RFX7: variants seen among roughly 807,000 people sequenced by gnomAD.
RFX7 encodes the protein DNA-binding protein RFX7.
In RFX7, 26 loss-of-function variants were observed where a neutral mutation model predicts 111.8. The observed-to-expected ratio is 0.23, with a 90% CI of 0.17 to 0.32. RFX7 has a LOEUF of 0.32. Among genes scored for constraint, RFX7 ranks in the 10% least tolerant of loss-of-function variants. The pLI is 1.00. For synonymous variants in RFX7, 624 were observed against 624.4 expected, an observed-to-expected ratio of 1.00 and a Z score of 0.01; for missense variants, 1,573 against 1,772.9, an observed-to-expected ratio of 0.89 and a Z score of 2.02.
intron 2 of RFX7, among the ~76,000 whole-genome samples, chr15:56,238,786 T>C (rs2141244162): frequency 6.6e-6 from 1 of 152,308 alleles, no homozygotes; most frequent in South Asian, 2.1e-4. Flanking sequence ...ATCTCTTATC[T>C]GAAATGCGTG....
chr15:56,110,298 G>T (rs1310059453), intron 5 of RFX7, among the ~76,000 whole-genome samples: 1 of 56,674 alleles, frequency 1.8e-5, no homozygotes, highest in African/African-American at 6.1e-5. Context: ...CTGGCCAGCC[G>T]CCCCGTCCGG....
intron 5 of RFX7, among the ~76,000 whole-genome samples, chr15:56,139,005 C>T (rs1339974259): frequency 6.6e-6 from 1 of 151,850 alleles, no homozygotes; most frequent in African/African-American, 2.4e-5. Flanking sequence ...TGATGGGCTT[C>T]CCATTGAGGG....
intron 3 of RFX7, among the ~76,000 whole-genome samples, chr15:56,151,733 C>T (rs1190838616): frequency 6.6e-6 from 1 of 152,134 alleles, no homozygotes; most frequent in Non-Finnish European, 1.5e-5. Flanking sequence ...TGTAAATAAG[C>T]TAAATGCCCC....
At chr15:56,099,396 T>G (rs2041724147) in intron 8 of RFX7, among the ~76,000 whole-genome samples, 2 of 152,184 alleles carry the variant, frequency 1.3e-5, no homozygotes, top group South Asian at 2.1e-4. Flanking sequence ...CCAGCCCCTT[T>G]TAAAAATCAC....
rs1293850747 is a variant in RFX7 at position 56,098,353 on chromosome 15, A to C, written c.835T>G (p.Ser279Ala). 6.2e-7 allele frequency: 1 copy of C among 1,602,830 alleles called. No individual in the cohort carries two copies. Among genetic ancestry groups the C allele is most frequent in the Admixed American group, 1.7e-5 (1 of 57,712 alleles). The change falls in exon 9 of 10, where the codon TCT (serine) becomes GCT (alanine). Residue 279 changes from serine (S) to alanine (A), a missense_variant. Physicochemically the swap from Ser to Ala is moderately conservative, Grantham distance 99. Transcript: ENST00000559447. ...CTTTCAGCTGTAGGTATAAAAGCAG[A>C]AGGCTGGGTAATTCCTTTCATTCCT... is the stretch of plus-strand genomic sequence containing the variant. The part of the protein sequence containing the change: ...PAGMKGITQP[S>A]AFIPTAESNS...
chr15:56,173,199 T>C (rs766965626), intron 3 of RFX7, among the ~76,000 whole-genome samples: 3 of 152,046 alleles, frequency 2.0e-5, no homozygotes, highest in Non-Finnish European at 4.4e-5. Context: ...ATTTGGAATC[T>C]ATAGCTGAAA....
chr15:56,237,950 A>T (rs116936153), intron 2 of RFX7, among the ~76,000 whole-genome samples: 111 of 152,318 alleles, frequency 7.3e-4, no homozygotes, highest in Non-Finnish European at 1.3e-3. Flanking sequence ...AACTCAGGGT[A>T]GGTAGGAGGT....
rs762621229 is a variant in RFX7 at position 56,094,350 on chromosome 15, A to G, written c.3378T>C (p.Pro1126=). The change falls in exon 10 of 10, where the codon CCT becomes CCC. Residue 1126 remains proline, a synonymous_variant. Coordinates refer to ENST00000559447, the MANE Select transcript of RFX7 (RefSeq NM_022841.7). ...TTACAGTGGCACCTTGATGCTGCACAGGAGAGACAGGAGTCAAACGACCAA... is the reference window on the plus strand; with the variant it reads ...TTACAGTGGCACCTTGATGCTGCACGGGAGAGACAGGAGTCAAACGACCAA... The part of the protein sequence containing the change: ...THFGRLTPVS[P]VQHQGATVNN... The G allele has an allele frequency of 6.2e-7, 1 of 1,614,014 alleles. No individual in the cohort carries two copies. The highest frequency in any genetic ancestry group is 8.5e-7 in the Non-Finnish European group (1 of 1,179,878).
chr15:56,206,504 A>G (rs2043253704), intron 2 of RFX7, among the ~76,000 whole-genome samples: 1 of 152,156 alleles, frequency 6.6e-6, no homozygotes, highest in Non-Finnish European at 1.5e-5. Flanking sequence ...ACTGCTAGCT[A>G]TATAGCCCAA....
At chr15:56,241,162 C>T (rs568010390) in intron 2 of RFX7, among the ~76,000 whole-genome samples, 2 of 152,174 alleles carry the variant, frequency 1.3e-5, no homozygotes, top group East Asian at 1.9e-4. Flanking sequence ...TTGGGATTCA[C>T]GTGTTTGCTG....
intron 5 of RFX7, 61 bp from the exon 6 acceptor site, chr15:56,103,731 T>C: frequency 1.0e-6 from 1 of 970,596 alleles, no homozygotes; most frequent in Admixed American, 2.4e-5. Context: ...CGCAGGGTGC[T>C]ATTTCAATAC....
At chr15:56,149,644 G>A (rs796696003) in intron 3 of RFX7, among the ~76,000 whole-genome samples, 4 of 152,290 alleles carry the variant, frequency 2.6e-5, no homozygotes, top group South Asian at 2.1e-4. Flanking sequence ...GTGAGGGACT[G>A]AGCCTGAAGA....
chr15:56,225,042 A>T (rs999483813), intron 2 of RFX7, among the ~76,000 whole-genome samples: 1 of 152,140 alleles, frequency 6.6e-6, no homozygotes, highest in Non-Finnish European at 1.5e-5. Flanking sequence ...GATTCTGAAT[A>T]AAAAAAGAAC....
At chr15:56,120,527 TG>T (rs2042063289) in intron 5 of RFX7, among the ~76,000 whole-genome samples, 1 of 152,210 alleles carries the variant, frequency 6.6e-6, no homozygotes, top group African/African-American at 2.4e-5. Flanking sequence ...TAGTACTATT[TG>T]AATAAAAGTG....
chr15:56,213,516 G>A (rs2414465), intron 2 of RFX7, among the ~76,000 whole-genome samples: 19,819 of 152,182 alleles, frequency 0.13, 1,694 homozygotes, highest in East Asian at 0.44. Flanking sequence ...ATTAGTGACT[G>A]CCAATAGTTG....
In RFX7 at chr15:56,094,916, T is replaced by C. The variant is rs368116932; in HGVS notation, c.2812A>G (p.Ile938Val). The change falls in exon 10 of 10, where the codon ATC (isoleucine) becomes GTC (valine). Residue 938 changes from isoleucine to valine, a missense_variant. Coordinates refer to ENST00000559447, the MANE Select transcript of RFX7 (RefSeq NM_022841.7). ...TGGATTGGAGTGCCATTGCTGTGGA[T>C]TGGATGATAGAAGTGGGTGCTGGAA... ...HTSSTHFYHP[I>V]HSNGTPIHTP... 62 of 1,584,244 alleles carry C rather than the reference T, an allele frequency of 3.9e-5. No individual in the cohort carries two copies. Among genetic ancestry groups the C allele is most frequent in the East Asian group, 1.8e-4 (8 of 44,350 alleles).
chr15:56,213,283 C>T (rs2043330725), intron 2 of RFX7, among the ~76,000 whole-genome samples: 1 of 152,142 alleles, frequency 6.6e-6, no homozygotes, highest in Non-Finnish European at 1.5e-5. Context: ...AAACTGGAAT[C>T]AATCCATATA....
chr15:56,181,832 C>T (rs1285009684), intron 2 of RFX7, among the ~76,000 whole-genome samples: 1 of 152,078 alleles, frequency 6.6e-6, no homozygotes, highest in Non-Finnish European at 1.5e-5. Flanking sequence ...AGCAGGGTCC[C>T]CAACTCTCAT....
chr15:56,243,813 C>G lies in RFX7; in HGVS notation c.-371G>C, dbSNP rs1458216111. On this transcript the variant is annotated 5_prime_UTR_variant, in exon 1 of 10. Transcript: ENST00000559447. The stretch of plus-strand genomic sequence containing the variant: ...CCGCCGCCGCCGCCGCCGCTCGCTC[C>G]CGGCCCCGCCGCCGCCGCGGCCGCC... 1.4e-5 allele frequency among the ~76,000 whole-genome samples: 2 copies of G among 147,114 alleles called. No individual in the cohort carries two copies. The highest frequency in any genetic ancestry group is 2.5e-5 in the African/African-American group (1 of 40,620).
Sources: gnomAD v4.1 joint callset for allele counts (sites outside exome capture counted in the v4.1 genomes callset) on GRCh38, gnomAD v4.1.1 for gene constraint, MANE v1.5 for transcripts, NCBI Gene and HGNC (gene_info 2026-07-23, HGNC 2026-07-21) for gene names.